Variants in FAAH2 observed in about 807,000 individuals in gnomAD.
FAAH2 encodes fatty-acid amide hydrolase 2.
A neutral mutation model predicts 36.9 loss-of-function variants in FAAH2; 60 were observed. The observed-to-expected ratio is 1.63, with a 90% CI of 1.32 to 2.02. FAAH2 has a LOEUF of 2.02. Ranked by LOEUF, FAAH2 falls within the 30% of genes most tolerant of loss-of-function variation. The pLI, the probability that FAAH2 is intolerant of heterozygous loss-of-function variation, is 0.00. For synonymous variants in FAAH2, 214 were observed against 143.8 expected (o/e 1.49, Z -3.49); for missense variants, 689 against 397.5 (o/e 1.73, Z -6.23).
At chrX:57,373,107 A>G (rs767957601) in intron 5 of FAAH2, among the ~76,000 whole-genome samples, 65 of 111,392 alleles carry the variant, frequency 5.8e-4, no homozygotes, top group African/African-American at 1.9e-3. Context: ...ATGGTATATC[A>G]TATTTTCTTT....
At chrX:57,375,026 T>A (rs1026519456) in intron 5 of FAAH2, among the ~76,000 whole-genome samples, 3 of 111,378 alleles carry the variant, frequency 2.7e-5, no homozygotes, top group Admixed American at 9.6e-5. Flanking sequence ...ACACAAGTCA[T>A]TAACCTGTTT....
At chrX:57,192,216 G>A in the FAAH2 span, among the ~76,000 whole-genome samples, 7 of 111,184 alleles carry the variant, frequency 6.3e-5, no homozygotes, top group Admixed American at 6.7e-4. Context: ...TTTCATTTGT[G>A]GCTATTGTAA....
the FAAH2 span, among the ~76,000 whole-genome samples, chrX:57,158,987 T>C: frequency 8.9e-6 from 1 of 112,761 alleles, no homozygotes; most frequent in African/African-American, 3.2e-5. Context: ...GTCTAACATG[T>C]AAGTCTTTAA....
intron 2 of FAAH2, among the ~76,000 whole-genome samples, chrX:57,299,147 AC>A (rs1277293493): frequency 1.8e-5 from 2 of 111,512 alleles, no homozygotes; most frequent in Admixed American, 9.5e-5. Context: ...CAGAGACACA[AC>A]AAAAAAAAGA....
rs191412257 is a variant in FAAH2 at position 57,399,808 on chromosome X, A to G, written c.996+18779A>G. 4.0e-4 allele frequency among the ~76,000 whole-genome samples: 45 copies of G among 111,829 alleles called. No homozygotes were observed. In the Admixed American group the frequency reaches 4.2e-3, roughly 10 times the overall value. Reference sequence around the variant, plus strand: ...AAGCATATTTAGAGTCTGTATATATATTTACCCTTTTCCTTTCTCCTAATT... The same window carrying G: ...AAGCATATTTAGAGTCTGTATATATGTTTACCCTTTTCCTTTCTCCTAATT... On this transcript the variant is annotated intron_variant, in intron 7 of 10. Coordinates refer to ENST00000374900, the MANE Select transcript of FAAH2 (RefSeq NM_174912.4).
At chrX:57,459,584 C>T (rs1224377716) in intron 10 of FAAH2, among the ~76,000 whole-genome samples, 1 of 112,042 alleles carries the variant, frequency 8.9e-6, no homozygotes, top group East Asian at 2.8e-4. Context: ...ACAGACACCT[C>T]ATACAGGAGA....
chrX:57,488,795 C>T lies in FAAH2; in HGVS notation c.1462C>T (p.Pro488Ser), dbSNP rs1449740639. 9 of 1,208,762 alleles carry T rather than the reference C, an allele frequency of 7.4e-6. No individual in the cohort carries two copies. The highest frequency in any genetic ancestry group is 4.4e-5 in the Admixed American group (2 of 45,502). The part of the protein sequence containing the change: ...SALGLPVTQC[P>S]LGLNAKGLPL... ...CCTGGGTTTGCCTGTGACCCAATGCCCACTGGGACTGAATGCCAAAGGACT... is the reference window on the plus strand; with the variant it reads ...CCTGGGTTTGCCTGTGACCCAATGCTCACTGGGACTGAATGCCAAAGGACT... The change falls in exon 11 of 11, where the codon CCA (proline) becomes TCA (serine). Residue 488 changes from proline (P) to serine (S), a missense_variant. By Grantham distance (74) the Pro-to-Ser change is moderately conservative (BLOSUM62 -1). Transcript: ENST00000374900.
intron 10 of FAAH2, among the ~76,000 whole-genome samples, chrX:57,465,977 G>T (rs2057039507): frequency 9.1e-6 from 1 of 109,305 alleles, no homozygotes; most frequent in African/African-American, 3.3e-5. Flanking sequence ...AAAATGGAAT[G>T]AAGACTACTG....
At chrX:57,275,675 A>T in the FAAH2 span, among the ~76,000 whole-genome samples, 1 of 111,719 alleles carries the variant, frequency 9.0e-6, no homozygotes, top group Admixed American at 9.5e-5. Context: ...ATTCAGGAGA[A>T]CCATCTCACG....
the FAAH2 span, among the ~76,000 whole-genome samples, chrX:57,238,141 G>A: frequency 8.9e-6 from 1 of 111,746 alleles, no homozygotes; most frequent in East Asian, 2.8e-4. Context: ...GCAATCCCAT[G>A]ACTGGGTATA....
chrX:57,332,541 A>G (rs1465910938), intron 4 of FAAH2, among the ~76,000 whole-genome samples: 3 of 112,312 alleles, frequency 2.7e-5, no homozygotes, highest in Non-Finnish European at 5.6e-5. Context: ...TGCTAGAACA[A>G]AAGCCTAGGA....
At position 57,394,087 on chromosome X, in the gene FAAH2, A is replaced by G. The variant is rs1228165842; in HGVS notation, c.996+13058A>G. The G allele has an allele frequency of 1.2e-4, 87 of 723,556 alleles. No individual in the cohort carries two copies. In the Admixed American group the frequency reaches 1.8e-3, roughly 15 times the overall value. 59.6% of individuals were successfully genotyped at this position (723,556 alleles called of 1,213,427 possible). ...CATCAATAGCCGCAGCAACAAGGTT[A>G]TTAGATACAGTGATGGCATGGATGT... On this transcript the variant is annotated intron_variant, in intron 7 of 10. Transcript: ENST00000374900.
intron 2 of FAAH2, among the ~76,000 whole-genome samples, chrX:57,293,049 A>G (rs2052031813): frequency 9.0e-6 from 1 of 111,145 alleles, no homozygotes; most frequent in Non-Finnish European, 1.9e-5. Context: ...GCTCTGAGGT[A>G]TTAGAGGGCC....
In FAAH2 at chrX:57,315,342, C is replaced by T. The variant is rs964655798; in HGVS notation, c.412+4613C>T. ...CTACCAGACATACAAAAAAGAGATG[C>T]TACCAATACTACTGAAACTATTCTA... On this transcript the variant is annotated intron_variant, in intron 3 of 10. Coordinates refer to ENST00000374900, the MANE Select transcript of FAAH2 (RefSeq NM_174912.4). 3.6e-5 allele frequency among the ~76,000 whole-genome samples: 4 copies of T among 110,598 alleles called. No homozygotes were observed. In the East Asian group the frequency reaches 8.5e-4, roughly 23 times the overall value.
chrX:57,452,880 G>A (rs777393390), intron 10 of FAAH2, among the ~76,000 whole-genome samples: 71 of 111,963 alleles, frequency 6.3e-4, no homozygotes, highest in African/African-American at 2.3e-3. Context: ...TTTAAGCTGG[G>A]ATCTGTTTTC....
chrX:57,162,649 G>A, the FAAH2 span, among the ~76,000 whole-genome samples: 32,091 of 110,640 alleles, frequency 0.29, 3,590 homozygotes, highest in Middle Eastern at 0.57. Context: ...CCAGTTGATC[G>A]CATCGGCTCC....
Position 57,291,464 on chromosome X carries a change from G to C in FAAH2, c.193-1034G>C, listed in dbSNP as rs190358203. The stretch of plus-strand genomic sequence containing the variant: ...GTTTTCAATCTTTCATTGTCTTTTT[G>C]TTCCAGATGAATTTCATATAAACAT... On this transcript the variant is annotated intron_variant, in intron 1 of 10. Coordinates refer to ENST00000374900, the MANE Select transcript of FAAH2 (RefSeq NM_174912.4). Among the ~76,000 whole-genome samples, 34 of 111,310 alleles carry C rather than the reference G, an allele frequency of 3.1e-4. No homozygotes were observed. The Admixed American group carries it at 3.1e-3, about 10-fold the overall frequency.
chrX:57,441,424 A>T (rs1363084585), intron 8 of FAAH2, among the ~76,000 whole-genome samples: 1 of 110,643 alleles, frequency 9.0e-6, no homozygotes, highest in Admixed American at 9.6e-5. Flanking sequence ...GGTAGTTTGT[A>T]TTTCTTTGGG....
At chrX:57,256,320 C>G in the FAAH2 span, among the ~76,000 whole-genome samples, 1 of 111,430 alleles carries the variant, frequency 9.0e-6, no homozygotes, top group Non-Finnish European at 1.9e-5. Flanking sequence ...TAGAAGGAAC[C>G]AATATTGTGA....
Sources: gnomAD v4.1 joint callset for allele counts (sites outside exome capture counted in the v4.1 genomes callset) on GRCh38, gnomAD v4.1.1 for gene constraint, MANE v1.5 for transcripts, NCBI Gene and HGNC (gene_info 2026-07-23, HGNC 2026-07-21) for gene names.